AK9: variants seen among roughly 807,000 people sequenced by gnomAD.
AK9 encodes adenylate kinase 9.
Under a neutral mutation model 239.6 loss-of-function variants are expected in AK9, and 191 were observed. That is an observed-to-expected ratio of 0.80 (90% CI 0.71 to 0.90). AK9 has a LOEUF of 0.90. AK9 is among the 40% of genes least tolerant of loss of function. AK9 has a pLI of 0.00. For synonymous variants in AK9, 689 were observed against 721.0 expected (o/e 0.96, Z 0.71); for missense variants, 1,995 against 2,214.7 (o/e 0.90, Z 1.99).
intron 10 of AK9, among the ~76,000 whole-genome samples, chr6:109,638,473 T>C (rs534627800): frequency 5.9e-5 from 9 of 152,302 alleles, no homozygotes; most frequent in Non-Finnish European, 1.0e-4. Flanking sequence ...CATATGTTTT[T>C]GTTTTTTATT....
intron 17 of AK9, among the ~76,000 whole-genome samples, chr6:109,587,549 T>C (rs1324833634): frequency 6.6e-6 from 1 of 152,148 alleles, no homozygotes; most frequent in Non-Finnish European, 1.5e-5. Flanking sequence ...CATCATTCCA[T>C]ATTCTGCTTC....
rs556121931 is a variant in AK9, at chr6:109,655,302, C to T, written c.759+1454G>A. Among the ~76,000 whole-genome samples, 21 of 152,254 alleles carry T rather than the reference C, an allele frequency of 1.4e-4. No individual in the cohort carries two copies. In the South Asian group the frequency reaches 2.7e-3, roughly 20 times the overall value. On this transcript the variant is annotated intron_variant, in intron 8 of 40. Transcript: ENST00000424296. ...TAGCATTTCTTTATTATCAGTGAAGCTGAACATTTTTTCTACAGGCTTATC... is the reference window on the plus strand; with the variant it reads ...TAGCATTTCTTTATTATCAGTGAAGTTGAACATTTTTTCTACAGGCTTATC...
Position 109,610,415 on chromosome 6 carries a change from C to T in AK9, c.1792G>A (p.Glu598Lys). The T allele has an allele frequency of 6.4e-7, 1 of 1,551,546 alleles. No individual in the cohort carries two copies. Among genetic ancestry groups the T allele is most frequent in the Non-Finnish European group, 8.7e-7 (1 of 1,146,882 alleles). The change falls in exon 17 of 41, where the codon GAA becomes AAA. Residue 598 changes from glutamate (E) to lysine (K), a missense_variant. Glu to Lys is a moderately conservative substitution (Grantham distance 56). Around this residue, in one of 5 missense-constraint regions of AK9, gnomAD observed 1,290 missense variants for 1,392.7 expected, o/e 0.93. Coordinates refer to ENST00000424296, the MANE Select transcript of AK9 (RefSeq NM_001145128.3). ...TIKMSQDINF[E>K]QPYEKHAEIL... ...TCAGCATGTTTTTCATATGGCTGTT[C>T]AAAGTTTATATCCTGTGACATTTTT...
intron 29 of AK9, among the ~76,000 whole-genome samples, chr6:109,523,592 G>A (rs969189998): frequency 6.6e-6 from 1 of 152,150 alleles, no homozygotes; most frequent in Admixed American, 6.6e-5. Flanking sequence ...TTTGCCGAGA[G>A]GGCAGTTTCA....
rs181383469 is a variant in AK9, at chr6:109,646,740, G to A, written c.760-2052C>T. 8.5e-4 allele frequency among the ~76,000 whole-genome samples: 129 copies of A among 152,174 alleles called. 1 individual carries two copies. The highest frequency in any genetic ancestry group is 2.0e-4 in the Admixed American group (3 of 15,286). ...TTCAAATTCAGGAAATACAGAGAACGCTACAAAGATACTCCTTGAGAAGAG... is the reference window on the plus strand; with the variant it reads ...TTCAAATTCAGGAAATACAGAGAACACTACAAAGATACTCCTTGAGAAGAG... On this transcript the variant is annotated intron_variant, in intron 8 of 40. Transcript: ENST00000424296.
intron 18 of AK9, 99 bp from the exon 19 acceptor site, chr6:109,585,336 C>T: frequency 2.3e-6 from 1 of 437,916 alleles, no homozygotes; most frequent in Non-Finnish European, 3.3e-6. Context: ...CTGCTTATAT[C>T]TAAATACATT....
At chr6:109,642,169 C>T (rs1797532016) in intron 9 of AK9, among the ~76,000 whole-genome samples, 1 of 152,156 alleles carries the variant, frequency 6.6e-6, no homozygotes, top group Admixed American at 6.5e-5. Context: ...CATGGCACTG[C>T]CAACACCTTG....
Position 109,539,288 on chromosome 6 carries a change from G to T in AK9, c.3350+2759C>A, listed in dbSNP as rs569544564. On this transcript the variant is annotated intron_variant, in intron 27 of 40. Coordinates refer to ENST00000424296, the MANE Select transcript of AK9 (RefSeq NM_001145128.3). ...TTCACATAGTCCCATATTTCTTGGA[G>T]GCTTTGTTCATTTCTTTTTACTCTT... is the stretch of plus-strand genomic sequence containing the variant. Among the ~76,000 whole-genome samples the T allele has an allele frequency of 3.3e-5, 5 of 152,268 alleles. No individual in the cohort carries two copies. In the South Asian group the frequency reaches 8.3e-4, roughly 25 times the overall value.
At chr6:109,689,001 A>C (rs1211779940) in intron 1 of AK9, among the ~76,000 whole-genome samples, 1 of 152,188 alleles carries the variant, frequency 6.6e-6, no homozygotes, top group African/African-American at 2.4e-5. Flanking sequence ...AAAACCTTAC[A>C]ATGACACAGT....
At chr6:109,524,254 C>G (rs1278102648) in intron 29 of AK9, among the ~76,000 whole-genome samples, 1 of 151,842 alleles carries the variant, frequency 6.6e-6, no homozygotes, top group Non-Finnish European at 1.5e-5. Flanking sequence ...TGGGCTTAAA[C>G]TATTTACCTT....
intron 29 of AK9, among the ~76,000 whole-genome samples, chr6:109,519,840 A>G (rs898747641): frequency 1.3e-5 from 2 of 151,490 alleles, no homozygotes; most frequent in Admixed American, 6.6e-5. Flanking sequence ...TTTGATTTGC[A>G]TTTCTCTGAT....
At chr6:109,653,851 A>G (rs914025143) in intron 8 of AK9, among the ~76,000 whole-genome samples, 2 of 152,038 alleles carry the variant, frequency 1.3e-5, no homozygotes, top group African/African-American at 4.8e-5. Context: ...GATTTTCTTT[A>G]TCTCAAGATT....
intron 8 of AK9, among the ~76,000 whole-genome samples, chr6:109,646,236 G>A (rs1798044654): frequency 6.6e-6 from 1 of 152,220 alleles, no homozygotes; most frequent in African/African-American, 2.4e-5. Context: ...GCTGGACGGA[G>A]AATGACTTTG....
chr6:109,537,033 A>C lies in AK9; in HGVS notation c.3351-3563T>G, dbSNP rs530706933. Among the ~76,000 whole-genome samples the C allele has an allele frequency of 1.7e-3, 252 of 152,262 alleles. 8 individuals carry two copies. In the South Asian group the frequency reaches 0.051, roughly 31 times the overall value. ...GTATTTTACTGAGGATTTTTGCATC[A>C]ATGTTCATCAGGGATATTGGTCTAA... is the stretch of plus-strand genomic sequence containing the variant. On this transcript the variant is annotated intron_variant, in intron 27 of 40. Coordinates refer to ENST00000424296, the MANE Select transcript of AK9 (RefSeq NM_001145128.3).
At chr6:109,659,563 G>T in intron 6 of AK9, 150 bp from the exon 7 acceptor site, 1 of 1,053,458 alleles carries the variant, frequency 9.5e-7, no homozygotes, top group Non-Finnish European at 1.3e-6. Flanking sequence ...TTTTGCATCA[G>T]GTTTCATTAC....
chr6:109,601,840 T>TCTTG (rs1554266739), intron 17 of AK9, among the ~76,000 whole-genome samples: 1 of 151,838 alleles, frequency 6.6e-6, no homozygotes, highest in Non-Finnish European at 1.5e-5. Flanking sequence ...GCAATGACCT[T>TCTTG]GTCTCTTTTG....
At chr6:109,673,227 G>A (rs1290760478) in intron 3 of AK9, among the ~76,000 whole-genome samples, 2 of 152,098 alleles carry the variant, frequency 1.3e-5, no homozygotes, top group African/African-American at 4.8e-5. Flanking sequence ...GTGAGTGTGT[G>A]TGTGTTATGT....
Position 109,497,565 on chromosome 6 carries a change from T to C in AK9, c.5217-2A>G. 5 of 1,576,882 alleles carry C rather than the reference T, an allele frequency of 3.2e-6. No individual in the cohort carries two copies. Among genetic ancestry groups the C allele is most frequent in the Non-Finnish European group, 4.3e-6 (5 of 1,153,400 alleles). On this transcript the variant is annotated splice_acceptor_variant, in intron 37 of 40. Coordinates refer to ENST00000424296, the MANE Select transcript of AK9 (RefSeq NM_001145128.3). LOFTEE classifies it high-confidence loss of function. ...CTACCAGGTACTAGAGCTTCATATCTGGAAGACCAAAAAACAAAACAAAAC... is the reference window on the plus strand; with the variant it reads ...CTACCAGGTACTAGAGCTTCATATCCGGAAGACCAAAAAACAAAACAAAAC...
In AK9 at chr6:109,516,469, T is replaced by G; in HGVS notation, c.3807A>C (p.Glu1269Asp). Residue 1269 changes from glutamate to aspartate, a missense_variant, in exon 30 of 41, where the codon GAA becomes GAC. By Grantham distance (45) the Glu-to-Asp change is conservative. Around this residue, in one of 5 missense-constraint regions of AK9, gnomAD observed 1,290 missense variants for 1,392.7 expected, o/e 0.93. Transcript: ENST00000424296. The part of the protein sequence containing the change: ...AIERLRGELG[E>D]KFEADTHNLQ... ...AATTATGTGTATCTGCTTCAAATTT[T>G]TCTCCTAGTTCACCTCTCAGGCGCT... The G allele has an allele frequency of 6.4e-7, 1 of 1,551,660 alleles. No individual in the cohort carries two copies. The highest frequency in any genetic ancestry group is 8.7e-7 in the Non-Finnish European group (1 of 1,146,986).
Sources: allele counts gnomAD v4.1 joint callset (sites outside exome capture counted in the v4.1 genomes callset), GRCh38; gene constraint gnomAD v4.1.1; regional missense constraint gnomAD v4.1.1; transcripts MANE v1.5; gene names NCBI Gene and HGNC (gene_info 2026-07-23, HGNC 2026-07-21).